Variants in AP3B1 observed in about 807,000 individuals in gnomAD.
The protein encoded by AP3B1 is adaptor related protein complex 3 subunit beta 1.
Under a neutral mutation model 132.5 loss-of-function variants are expected in AP3B1, and 61 were observed. The ratio of observed to expected loss-of-function variants is 0.46; its 90% CI spans 0.37 to 0.57. The LOEUF (loss-of-function observed/expected upper bound fraction) is 0.57. AP3B1 is among the 20% of genes least tolerant of loss of function. The pLI, the probability that AP3B1 is intolerant of heterozygous loss-of-function variation, is 0.00. For synonymous variants in AP3B1, 388 were observed against 438.3 expected (o/e 0.89, Z 1.43); for missense variants, 1,120 against 1,289.4 (o/e 0.87, Z 2.01).
At chr5:78,049,584 C>A (rs1259752433) in intron 22 of AP3B1, among the ~76,000 whole-genome samples, 2 of 152,112 alleles carry the variant, frequency 1.3e-5, no homozygotes, top group Non-Finnish European at 2.9e-5. Context: ...TAGCTGACAC[C>A]TGAGGGAGTC....
In AP3B1 at chr5:78,014,662, G is replaced by T. The variant is rs187619003; in HGVS notation, c.3131+748C>A. 2.6e-5 allele frequency among the ~76,000 whole-genome samples: 4 copies of T among 152,276 alleles called. No homozygotes were observed. In the East Asian group the frequency reaches 7.7e-4, roughly 29 times the overall value. On this transcript the variant is annotated intron_variant, in intron 26 of 26. Transcript: ENST00000255194. The stretch of plus-strand genomic sequence containing the variant: ...GGGCACACTAAATATACAGTGTGTA[G>T]ATATTTTTAATGGCAGAAGTATGCC...
intron 14 of AP3B1, among the ~76,000 whole-genome samples, chr5:78,152,604 T>C (rs891770132): frequency 6.6e-6 from 1 of 152,172 alleles, no homozygotes; most frequent in African/African-American, 2.4e-5. Flanking sequence ...TGTTCTTGCT[T>C]TTCTAGTTAA....
chr5:78,161,449 C>T (rs1245876253), intron 13 of AP3B1, among the ~76,000 whole-genome samples: 4 of 151,770 alleles, frequency 2.6e-5, no homozygotes, highest in African/African-American at 9.7e-5. Flanking sequence ...GTTATTTTCC[C>T]AAGGTGTGTA....
At chr5:78,293,375 T>G (rs1260853615) in intron 1 of AP3B1, among the ~76,000 whole-genome samples, 2 of 152,152 alleles carry the variant, frequency 1.3e-5, no homozygotes, top group African/African-American at 4.8e-5. Flanking sequence ...ATGAAATCAG[T>G]TACCTTACTT....
intron 7 of AP3B1, among the ~76,000 whole-genome samples, chr5:78,206,217 C>G (rs1745499531): frequency 6.6e-6 from 1 of 152,074 alleles, no homozygotes; most frequent in African/African-American, 2.4e-5. Flanking sequence ...ATGTATCAGG[C>G]CTTCCTCACC....
intron 26 of AP3B1, among the ~76,000 whole-genome samples, chr5:78,007,446 T>C (rs1159694990): frequency 3.9e-5 from 6 of 152,178 alleles, no homozygotes; most frequent in African/African-American, 1.4e-4. Context: ...TTTTTTTTTT[T>C]TGTACTCTGT....
rs1750411169 is a variant in AP3B1, at chr5:78,089,339, A to C, written c.2577+54T>G. Reference sequence around the variant, plus strand: ...TCAAGTATTTACATTTTAATAAAAAAGATACAATGGCAACATAAGAAAACC... The same window carrying C: ...TCAAGTATTTACATTTTAATAAAAACGATACAATGGCAACATAAGAAAACC... On this transcript the variant is annotated intron_variant, in intron 22 of 26. Transcript: ENST00000255194. 4 of 1,276,800 alleles carry C rather than the reference A, an allele frequency of 3.1e-6. No individual in the cohort carries two copies. In the South Asian group the frequency reaches 4.9e-5, roughly 16 times the overall value. 79.1% of individuals were successfully genotyped at this position (1,276,800 alleles called of 1,614,324 possible).
intron 22 of AP3B1, among the ~76,000 whole-genome samples, chr5:78,086,288 T>C (rs1750248504): frequency 6.6e-6 from 1 of 152,316 alleles, no homozygotes; most frequent in South Asian, 2.1e-4. Flanking sequence ...ATTTCCTTTA[T>C]AAAGCTGCAC....
At chr5:78,049,272 G>A (rs1056619179) in intron 22 of AP3B1, among the ~76,000 whole-genome samples, 2 of 152,150 alleles carry the variant, frequency 1.3e-5, no homozygotes, top group African/African-American at 2.4e-5. Flanking sequence ...GTGGTAACGT[G>A]CAAGAATTAG....
intron 22 of AP3B1, among the ~76,000 whole-genome samples, chr5:78,068,194 C>T (rs1432809671): frequency 1.3e-5 from 2 of 152,104 alleles, no homozygotes; most frequent in East Asian, 3.9e-4. Context: ...CATGGTGGCA[C>T]ATGCCTGCAA....
At chr5:78,144,646 G>GT (rs976163011) in intron 14 of AP3B1, among the ~76,000 whole-genome samples, 4 of 152,294 alleles carry the variant, frequency 2.6e-5, no homozygotes, top group African/African-American at 9.6e-5. Flanking sequence ...GAAAGGGTGG[G>GT]TAACTTGTGA....
chr5:78,112,223 T>C (rs550073021), intron 19 of AP3B1, among the ~76,000 whole-genome samples: 8 of 152,254 alleles, frequency 5.3e-5, no homozygotes, highest in African/African-American at 1.9e-4. Context: ...GGAGGAAATA[T>C]GATTGCTATT....
intron 19 of AP3B1, among the ~76,000 whole-genome samples, chr5:78,112,420 C>A (rs913214171): frequency 3.3e-5 from 5 of 152,052 alleles, no homozygotes; most frequent in African/African-American, 7.2e-5. Context: ...ATAAACAATT[C>A]TTTTAAATTC....
intron 22 of AP3B1, among the ~76,000 whole-genome samples, chr5:78,067,825 T>C (rs1005716396): frequency 1.3e-5 from 2 of 151,808 alleles, no homozygotes; most frequent in African/African-American, 4.8e-5. Context: ...GCTCTCAAAT[T>C]GACATCCTAA....
chr5:78,199,044 C>T (rs1325734103), intron 7 of AP3B1, among the ~76,000 whole-genome samples: 1 of 152,298 alleles, frequency 6.6e-6, no homozygotes, highest in South Asian at 2.1e-4. Context: ...CCAGTGACCA[C>T]TATACTACAC....
chr5:78,022,898 T>C (rs1331445131), intron 24 of AP3B1, among the ~76,000 whole-genome samples: 2 of 152,144 alleles, frequency 1.3e-5, no homozygotes, highest in Non-Finnish European at 2.9e-5. Flanking sequence ...AATTTACTGA[T>C]GAGAAAACTG....
rs1580225688 is a variant in AP3B1 at position 78,002,902 on chromosome 5, T to C, written c.3285A>G (p.Ter1095=). 1.9e-6 allele frequency: 3 copies of C among 1,614,086 alleles called. No homozygotes were observed. In the South Asian group the frequency reaches 3.3e-5, roughly 18 times the overall value. Residue 1095 remains the stop codon, a stop_retained_variant, in exon 27 of 27, where the codon TAA becomes TAG. Transcript: ENST00000255194. Reference sequence around the variant, plus strand: ...ATTCTAAAGTCCAGATGTAAGCAGGTTACCCCTGAGACAGGACAGGCTTCA... The same window carrying C: ...ATTCTAAAGTCCAGATGTAAGCAGGCTACCCCTGAGACAGGACAGGCTTCA... ...RELKPVLSQG[*]
chr5:78,263,831 C>T (rs1449452603), intron 2 of AP3B1, among the ~76,000 whole-genome samples: 1 of 151,962 alleles, frequency 6.6e-6, no homozygotes, highest in Non-Finnish European at 1.5e-5. Flanking sequence ...AAATTACAGT[C>T]GTGCCACGTT....
intron 22 of AP3B1, among the ~76,000 whole-genome samples, chr5:78,076,152 G>A (rs950280675): frequency 4.6e-5 from 7 of 152,240 alleles, no homozygotes; most frequent in Non-Finnish European, 7.4e-5. Flanking sequence ...TTGTATCTAC[G>A]GATACTTCCA....
Sources: allele counts gnomAD v4.1 joint callset (sites outside exome capture counted in the v4.1 genomes callset), GRCh38; gene constraint gnomAD v4.1.1; transcripts MANE v1.5; gene names NCBI Gene and HGNC (gene_info 2026-07-23, HGNC 2026-07-21).